Variants in FREM3 observed in about 807,000 individuals in gnomAD.
FREM3 encodes FRAS1 related extracellular matrix 3.
FREM3 carries 105 observed loss-of-function variants against 129.1 expected under a neutral mutation model. The ratio of observed to expected loss-of-function variants is 0.81; its 90% CI spans 0.69 to 0.96. FREM3 has a LOEUF of 0.96. Ranked by LOEUF, FREM3 falls within the 40% of genes least tolerant of loss-of-function variation. FREM3 has a pLI of 0.00. For missense variants in FREM3, 2,593 were observed against 2,666.3 expected (o/e 0.97, Z 0.61); for synonymous variants, 1,014 against 1,044.9 (o/e 0.97, Z 0.57).
intron 4 of FREM3, among the ~76,000 whole-genome samples, chr4:143,623,113 C>G (rs1419840449): frequency 1.3e-5 from 2 of 152,046 alleles, no homozygotes; most frequent in Admixed American, 6.6e-5. Context: ...AAAAGATATT[C>G]CTTGGAGATG....
intron 6 of FREM3, among the ~76,000 whole-genome samples, chr4:143,604,977 G>C (rs1366624195): frequency 2.0e-5 from 3 of 152,040 alleles, no homozygotes; most frequent in African/African-American, 7.2e-5. Context: ...ATTCATTCAA[G>C]GATAATCTAA....
intron 5 of FREM3, among the ~76,000 whole-genome samples, chr4:143,614,311 ATTCAT>A (rs1738808843): frequency 6.6e-6 from 1 of 152,234 alleles, no homozygotes; most frequent in Non-Finnish European, 1.5e-5. Flanking sequence ...GAATACTGAC[ATTCAT>A]TTAAGTAAAA....
intron 2 of FREM3, among the ~76,000 whole-genome samples, chr4:143,633,875 G>C (rs139343797): frequency 1.3e-5 from 2 of 152,058 alleles, no homozygotes; most frequent in Admixed American, 6.6e-5. Flanking sequence ...GATATTGACA[G>C]GCTTCATGAA....
intron 6 of FREM3, among the ~76,000 whole-genome samples, chr4:143,605,371 A>G (rs1208849662): frequency 6.6e-6 from 1 of 152,132 alleles, no homozygotes; most frequent in Non-Finnish European, 1.5e-5. Flanking sequence ...TCCTTCCTGT[A>G]TAAATAACTA....
At position 143,684,509 on chromosome 4, in the gene FREM3, C is replaced by A. The variant is rs113308069; in HGVS notation, c.5275+8604G>T. Among the ~76,000 whole-genome samples the A allele has an allele frequency of 1.8e-3, 268 of 152,328 alleles. 1 individual carries two copies. The highest frequency in any genetic ancestry group is 5.8e-3 in the African/African-American group (241 of 41,584). On this transcript the variant is annotated intron_variant, in intron 2 of 7. Transcript: ENST00000329798. ...TGGGACAAAAGAATCTGAACAGCAG[C>A]CTTCAGCCCTAGACCTTCCCTCTGA...
At chr4:143,579,943 C>G (rs115069933) in intron 7 of FREM3, among the ~76,000 whole-genome samples, 245 of 152,252 alleles carry the variant, frequency 1.6e-3, no homozygotes, top group African/African-American at 5.6e-3. Context: ...CTAGCAGAGG[C>G]GTCATTACTT....
At chr4:143,668,850 A>C (rs540589181) in intron 2 of FREM3, among the ~76,000 whole-genome samples, 12 of 152,356 alleles carry the variant, frequency 7.9e-5, no homozygotes, top group African/African-American at 2.9e-4. Flanking sequence ...TCATTCTCAT[A>C]CATGGAGACA....
At chr4:143,626,822 C>G (rs1279349818) in intron 3 of FREM3, among the ~76,000 whole-genome samples, 1 of 152,126 alleles carries the variant, frequency 6.6e-6, no homozygotes, top group Admixed American at 6.6e-5. Context: ...TCCCTGGCTT[C>G]TCTCCAACAG....
chr4:143,593,453 A>T (rs1178367156), intron 6 of FREM3, among the ~76,000 whole-genome samples: 2 of 150,054 alleles, frequency 1.3e-5, no homozygotes, highest in African/African-American at 4.9e-5. Context: ...TCCTTCTAAC[A>T]GTCAGGACCC....
At chr4:143,587,907 C>A (rs1738269889) in intron 6 of FREM3, among the ~76,000 whole-genome samples, 1 of 152,178 alleles carries the variant, frequency 6.6e-6, no homozygotes, top group Non-Finnish European at 1.5e-5. Context: ...TAGATGGCAC[C>A]TTTGGACAAG....
chr4:143,593,517 C>T (rs1444093794), intron 6 of FREM3, among the ~76,000 whole-genome samples: 1 of 151,232 alleles, frequency 6.6e-6, no homozygotes, highest in Non-Finnish European at 1.5e-5. Context: ...CCCTGTTTGC[C>T]TGGGTATCAG....
intron 7 of FREM3, among the ~76,000 whole-genome samples, chr4:143,580,111 A>C (rs186474500): frequency 2.2e-3 from 329 of 152,314 alleles, no homozygotes; most frequent in Non-Finnish European, 3.2e-3. Flanking sequence ...AATGAAAAAA[A>C]GGGGAGGAGA....
At chr4:143,606,735 C>T (rs1738674049) in intron 6 of FREM3, among the ~76,000 whole-genome samples, 1 of 152,110 alleles carries the variant, frequency 6.6e-6, no homozygotes, top group African/African-American at 2.4e-5. Flanking sequence ...GGCTGAACCA[C>T]ATGATCTCTA....
At chr4:143,646,040 A>G (rs926110463) in intron 2 of FREM3, among the ~76,000 whole-genome samples, 2 of 152,176 alleles carry the variant, frequency 1.3e-5, no homozygotes, top group Non-Finnish European at 2.9e-5. Context: ...TTCCCCAGTG[A>G]GAGAGATGAA....
chr4:143,637,608 T>C (rs972278557), intron 2 of FREM3, among the ~76,000 whole-genome samples: 7 of 152,086 alleles, frequency 4.6e-5, no homozygotes, highest in African/African-American at 1.7e-4. Flanking sequence ...TCCTGGAGCT[T>C]GGAGGGACAG....
chr4:143,697,424 C>G lies in FREM3; in HGVS notation c.3252G>C (p.Glu1084Asp). 1 of 1,537,220 alleles carries G rather than the reference C, an allele frequency of 6.5e-7. No individual in the cohort carries two copies. Among genetic ancestry groups the G allele is most frequent in the Non-Finnish European group, 8.7e-7 (1 of 1,146,886 alleles). ...VGESFIVYEG[E>D]KNSLTLQHLH... is the part of the protein sequence containing the mutation. ...GATGTTGTAAGGTCAAGGAGTTCTTCTCACCTTCATAGACAATGAAGGACT... is the reference window on the plus strand; with the variant it reads ...GATGTTGTAAGGTCAAGGAGTTCTTGTCACCTTCATAGACAATGAAGGACT... Residue 1084 changes from glutamate to aspartate, a missense_variant, in exon 1 of 8, where the codon GAG (glutamate) becomes GAC (aspartate). Coordinates refer to ENST00000329798, the MANE Select transcript of FREM3 (RefSeq NM_001168235.2).
At chr4:143,609,479 G>C (rs1738719277) in intron 6 of FREM3, among the ~76,000 whole-genome samples, 2 of 147,880 alleles carry the variant, frequency 1.4e-5, no homozygotes, top group Non-Finnish European at 3.0e-5. Context: ...TGTAGAAAAT[G>C]TAAAAAAAAA....
intron 7 of FREM3, among the ~76,000 whole-genome samples, chr4:143,584,353 A>G (rs2323188): frequency 0.99 from 148,329 of 150,140 alleles, 73,292 homozygotes; most frequent in Middle Eastern, 1. Flanking sequence ...AGCTTGCAGT[A>G]AGCCGAGATT....
intron 6 of FREM3, among the ~76,000 whole-genome samples, chr4:143,587,087 G>A (rs1414817818): frequency 1.3e-5 from 2 of 152,194 alleles, no homozygotes; most frequent in Non-Finnish European, 2.9e-5. Context: ...TGCTGAGGGA[G>A]TAGTAGTAGT....
Sources: allele counts gnomAD v4.1 joint callset (sites outside exome capture counted in the v4.1 genomes callset), GRCh38; gene constraint gnomAD v4.1.1; transcripts MANE v1.5; gene names NCBI Gene and HGNC (gene_info 2026-07-23, HGNC 2026-07-21).